Variants in XPR1 observed in about 807,000 individuals in gnomAD.
XPR1 encodes the protein xenotropic and polytropic retrovirus receptor 1, also known as solute carrier family 53 member 1.
A neutral mutation model predicts 87.5 loss-of-function variants in XPR1; 28 were observed. That is an observed-to-expected ratio of 0.32 (90% CI 0.24 to 0.44). XPR1 has a LOEUF of 0.44. Among genes scored for constraint, XPR1 ranks in the 20% least tolerant of loss-of-function variants. The pLI, the probability that XPR1 is intolerant of heterozygous loss-of-function variation, is 1.00. For synonymous variants in XPR1, 300 were observed against 306.1 expected, an observed-to-expected ratio of 0.98 and a Z score of 0.21; for missense variants, 559 against 862.3, an observed-to-expected ratio of 0.65 and a Z score of 4.41.
At position 180,854,341 on chromosome 1, in the gene XPR1, A is replaced by G. The variant is rs140363449; in HGVS notation, c.1502-9367A>G. Reference sequence around the variant, plus strand: ...CCCCAGTGGGGTTAGCTCCGCATACATATTTAGCAGGTTATAGGAGAATTT... The same window carrying G: ...CCCCAGTGGGGTTAGCTCCGCATACGTATTTAGCAGGTTATAGGAGAATTT... On this transcript the variant is annotated intron_variant, in intron 11 of 14. Transcript: ENST00000367590. Among the ~76,000 whole-genome samples the G allele has an allele frequency of 1.2e-3, 186 of 152,372 alleles. 2 individuals are homozygous for G. Among genetic ancestry groups the G allele is most frequent in the Admixed American group, 2.5e-3 (38 of 15,308 alleles).
In XPR1 at chr1:180,835,064, T is replaced by C. The variant is rs1260914637; in HGVS notation, c.1306+19T>C. ...TCAGAAGGTAGGGTATGAATTTGCA[T>C]CTATACTACTAAATCGCTGGTGTAA... On this transcript the variant is annotated intron_variant, in intron 10 of 14. Transcript: ENST00000367590. 1 of 1,611,550 alleles carries C rather than the reference T, an allele frequency of 6.2e-7. No homozygotes were observed. Among genetic ancestry groups the C allele is most frequent in the Non-Finnish European group, 8.5e-7 (1 of 1,178,530 alleles).
chr1:180,706,870 G>A (rs1657577937), intron 2 of XPR1, among the ~76,000 whole-genome samples: 1 of 151,886 alleles, frequency 6.6e-6, no homozygotes, highest in Non-Finnish European at 1.5e-5. Flanking sequence ...TGCCCACCTC[G>A]ATATCCCAAA....
chr1:180,826,548 C>G (rs1650846686), intron 9 of XPR1, among the ~76,000 whole-genome samples: 1 of 151,940 alleles, frequency 6.6e-6, no homozygotes, highest in African/African-American at 2.4e-5. Context: ...GACCCTATCT[C>G]TAAAGGAAAA....
rs146333753 is a variant in XPR1, at chr1:180,812,553, A to C, written c.763+1065A>C. 1.4e-4 allele frequency among the ~76,000 whole-genome samples: 22 copies of C among 152,074 alleles called. No homozygotes were observed. The East Asian group carries it at 4.3e-3, about 29-fold the overall frequency. Reference sequence around the variant, plus strand: ...GTCCCTCATATTTAATCTTCAGTCCATCAGCAAATCTTATTGGTCTGTCTT... The same window carrying C: ...GTCCCTCATATTTAATCTTCAGTCCCTCAGCAAATCTTATTGGTCTGTCTT... On this transcript the variant is annotated intron_variant, in intron 7 of 14. Transcript: ENST00000367590.
chr1:180,681,448 A>T (rs935858373), intron 1 of XPR1, among the ~76,000 whole-genome samples: 1 of 152,134 alleles, frequency 6.6e-6, no homozygotes, highest in Non-Finnish European at 1.5e-5. Context: ...GATCGAGACC[A>T]TCCTGGCTAA....
chr1:180,735,613 ATTAAC>A (rs1658703779), intron 2 of XPR1, among the ~76,000 whole-genome samples: 1 of 152,184 alleles, frequency 6.6e-6, no homozygotes, highest in African/African-American at 2.4e-5. Context: ...CTTGAACTCT[ATTAAC>A]TATTCCCTTC....
At chr1:180,733,541 G>A (rs535418431) in intron 2 of XPR1, among the ~76,000 whole-genome samples, 1 of 152,330 alleles carries the variant, frequency 6.6e-6, no homozygotes, top group East Asian at 1.9e-4. Flanking sequence ...AAGGGGATAA[G>A]AGATATGAAG....
chr1:180,707,468 G>C (rs1657597291), intron 2 of XPR1, among the ~76,000 whole-genome samples: 1 of 152,158 alleles, frequency 6.6e-6, no homozygotes. Context: ...TTTAATAGTG[G>C]AATTGTTTTT....
chr1:180,720,715 T>C (rs1557973549), intron 2 of XPR1, among the ~76,000 whole-genome samples: 1 of 152,164 alleles, frequency 6.6e-6, no homozygotes, highest in Non-Finnish European at 1.5e-5. Flanking sequence ...TGGCTATCGG[T>C]GTTTTAACGA....
chr1:180,748,398 G>GTCTTTTTTTTTTTTT (rs1647362338), intron 2 of XPR1, among the ~76,000 whole-genome samples: 1 of 56,076 alleles, frequency 1.8e-5, no homozygotes, highest in Non-Finnish European at 3.9e-5. Context: ...TATTATTTAT[G>GTCTTTTTTTTTTTTT]TCTTTTTTTT....
chr1:180,748,267 G>A (rs1215170384), intron 2 of XPR1, among the ~76,000 whole-genome samples: 3 of 151,960 alleles, frequency 2.0e-5, no homozygotes, highest in African/African-American at 7.2e-5. Flanking sequence ...AATCTTGTCG[G>A]CTGATTGTTA....
intron 5 of XPR1, 116 bp from the exon 6 acceptor site, chr1:180,806,358 A>G (rs1026403187): frequency 1.4e-6 from 2 of 1,450,984 alleles, no homozygotes; most frequent in East Asian, 2.4e-5. Context: ...TTTCTTTATC[A>G]GTATATATTC....
intron 2 of XPR1, among the ~76,000 whole-genome samples, chr1:180,711,026 G>A (rs1369282763): frequency 3.0e-4 from 45 of 150,832 alleles, no homozygotes; most frequent in African/African-American, 1.0e-3. Context: ...GGTGGCTGCC[G>A]GGCGGAGGGG....
At chr1:180,781,874 C>T (rs948024880) in intron 2 of XPR1, among the ~76,000 whole-genome samples, 4 of 151,890 alleles carry the variant, frequency 2.6e-5, no homozygotes, top group African/African-American at 9.7e-5. Context: ...CGGCTCACTG[C>T]AAACTCTGCC....
At chr1:180,840,079 C>A (rs530997922) in intron 11 of XPR1, among the ~76,000 whole-genome samples, 6 of 151,534 alleles carry the variant, frequency 4.0e-5, no homozygotes, top group Admixed American at 3.9e-4. Flanking sequence ...AAAAATTAGC[C>A]GGGAGCGGTG....
At chr1:180,652,388 A>G (rs1655326852) in intron 1 of XPR1, among the ~76,000 whole-genome samples, 1 of 152,152 alleles carries the variant, frequency 6.6e-6, no homozygotes, top group African/African-American at 2.4e-5. Context: ...TATAGATTTA[A>G]TTTTTAGAAG....
intron 2 of XPR1, among the ~76,000 whole-genome samples, chr1:180,768,096 G>A (rs1198739119): frequency 2.6e-5 from 4 of 152,002 alleles, no homozygotes; most frequent in African/African-American, 9.7e-5. Context: ...CACCCGCCTC[G>A]GCCTCCCAAC....
At chr1:180,745,027 T>C (rs561006412) in intron 2 of XPR1, among the ~76,000 whole-genome samples, 1 of 152,310 alleles carries the variant, frequency 6.6e-6, no homozygotes, top group East Asian at 1.9e-4. Flanking sequence ...GCCTTTGATA[T>C]GCTATTCATA....
intron 2 of XPR1, among the ~76,000 whole-genome samples, chr1:180,749,367 A>T (rs1365272667): frequency 1.3e-5 from 2 of 152,206 alleles, no homozygotes; most frequent in East Asian, 3.8e-4. Flanking sequence ...GTCATTAGTG[A>T]ACAAGTGAAG....
Sources: gnomAD v4.1 joint callset for allele counts (sites outside exome capture counted in the v4.1 genomes callset) on GRCh38, gnomAD v4.1.1 for gene constraint, MANE v1.5 for transcripts, NCBI Gene and HGNC (gene_info 2026-07-23, HGNC 2026-07-21) for gene names.